Variants in HIVEP2 observed in about 807,000 individuals in gnomAD.
HIVEP2 encodes HIVEP zinc finger 2.
In HIVEP2, 14 loss-of-function variants were observed where a neutral mutation model predicts 180.7. That is an observed-to-expected ratio of 0.08 (90% CI 0.05 to 0.12). HIVEP2 has a LOEUF of 0.12. HIVEP2 is among the 10% of genes least tolerant of loss of function. The pLI, the probability that HIVEP2 is intolerant of heterozygous loss-of-function variation, is 1.00. For synonymous variants in HIVEP2, 1,184 were observed against 1,136.4 expected (o/e 1.04, Z -0.84); for missense variants, 2,579 against 3,008.5 (o/e 0.86, Z 3.34).
chr6:142,815,811 T>C (rs1027498606), intron 2 of HIVEP2, among the ~76,000 whole-genome samples: 7 of 152,326 alleles, frequency 4.6e-5, no homozygotes, highest in South Asian at 2.1e-4. Context: ...CTGCACAAAA[T>C]ATCCAACTTG....
intron 1 of HIVEP2, among the ~76,000 whole-genome samples, chr6:142,859,838 A>AG (rs1478340110): frequency 3.5e-4 from 52 of 149,050 alleles, no homozygotes; most frequent in African/African-American, 1.2e-3. Context: ...CCGTCTCAAA[A>AG]AAAAAAAAAA....
At chr6:142,781,537 G>A (rs191092620) in intron 3 of HIVEP2, among the ~76,000 whole-genome samples, 1 of 152,280 alleles carries the variant, frequency 6.6e-6, no homozygotes, top group East Asian at 1.9e-4. Context: ...GAGTCCTCTA[G>A]TCAGTAAAGA....
intron 1 of HIVEP2, among the ~76,000 whole-genome samples, chr6:142,869,116 T>C (rs1014562017): frequency 6.6e-6 from 1 of 152,198 alleles, no homozygotes; most frequent in African/African-American, 2.4e-5. Context: ...ATCTATTGGG[T>C]AGCTGGCCAG....
chr6:142,891,495 A>G (rs1479724632), intron 1 of HIVEP2, among the ~76,000 whole-genome samples: 5 of 152,124 alleles, frequency 3.3e-5, no homozygotes, highest in African/African-American at 1.2e-4. Context: ...CAGATAGGGT[A>G]TGCCAGGTAG....
chr6:142,823,265 AAACAAGC>A (rs1482024064), intron 2 of HIVEP2, among the ~76,000 whole-genome samples: 2 of 152,200 alleles, frequency 1.3e-5, no homozygotes, highest in Admixed American at 1.3e-4. Flanking sequence ...TGCATATCAC[AAACAAGC>A]ACAAATAAAT....
intron 2 of HIVEP2, among the ~76,000 whole-genome samples, chr6:142,810,146 C>A (rs544738887): frequency 1.2e-4 from 18 of 152,232 alleles, no homozygotes; most frequent in African/African-American, 4.1e-4. Flanking sequence ...GTTGTCAGGG[C>A]CACAGGTTAT....
Position 142,769,858 on chromosome 6 carries a change from C to G in HIVEP2, c.4881G>C (p.Thr1627=), listed in dbSNP as rs769437750. Residue 1627 remains threonine (T), a synonymous_variant, in exon 5 of 10, where the codon ACG becomes ACC. Transcript: ENST00000367603. ...GAATCTGCTGGAAATCTGCCATGTCCGTGAGAAGAAGAGTTGAGTCTGCCA... is the reference window on the plus strand; with the variant it reads ...GAATCTGCTGGAAATCTGCCATGTCGGTGAGAAGAAGAGTTGAGTCTGCCA... ...GNVADSTLLL[T]DMADFQQILQ... The G allele has an allele frequency of 9.3e-6, 15 of 1,614,044 alleles. No individual in the cohort carries two copies. In the Admixed American group the frequency reaches 2.2e-4, roughly 23 times the overall value.
At chr6:142,931,062 G>A (rs1337473869) in intron 1 of HIVEP2, among the ~76,000 whole-genome samples, 1 of 152,036 alleles carries the variant, frequency 6.6e-6, no homozygotes, top group African/African-American at 2.4e-5. Flanking sequence ...TATCACTTCT[G>A]CATATAGGTC....
At chr6:142,917,176 G>A (rs1777574975) in intron 1 of HIVEP2, among the ~76,000 whole-genome samples, 1 of 152,130 alleles carries the variant, frequency 6.6e-6, no homozygotes, top group South Asian at 2.1e-4. Flanking sequence ...CCAAAAACAA[G>A]TAAATAAAAT....
At position 142,761,574 on chromosome 6, in the gene HIVEP2, TG is replaced by T; in HGVS notation, c.5519-10del. On this transcript the variant is annotated splice_polypyrimidine_tract_variant and intron_variant, in intron 7 of 9. Coordinates refer to ENST00000367603, the MANE Select transcript of HIVEP2 (RefSeq NM_006734.4). Reference sequence around the variant, plus strand: ...ATGCTTCGTTAGGTTTCCTTGAAAATGTAGCAAAAAAAAGAGAGAAATTAAT... The same window carrying T: ...ATGCTTCGTTAGGTTTCCTTGAAAATTAGCAAAAAAAAGAGAGAAATTAAT... 6.7e-7 allele frequency: 1 copy of T among 1,488,156 alleles called. No homozygotes were observed. 92.2% of individuals were successfully genotyped at this position (1,488,156 alleles called of 1,614,324 possible). A position where few individuals can be genotyped will look rare whatever the true frequency, so the allele number is the denominator to read the frequency against.
At position 142,853,652 on chromosome 6, in the gene HIVEP2, T is replaced by C. The variant is rs79716668; in HGVS notation, c.-640-16605A>G. Among the ~76,000 whole-genome samples the C allele has an allele frequency of 7.5e-3, 1,146 of 152,270 alleles. 10 individuals carry two copies. The highest frequency in any genetic ancestry group is 0.026 in the African/African-American group (1,063 of 41,550). On this transcript the variant is annotated intron_variant, in intron 1 of 9. Coordinates refer to ENST00000367603, the MANE Select transcript of HIVEP2 (RefSeq NM_006734.4). ...ACTGAGAAATTGAGTCAATAGGATA[T>C]GAAACTGCCTTTTCCTACAAGGACC...
rs748945040 is a variant in HIVEP2, at chr6:142,770,038, A to G, written c.4701T>C (p.Asp1567=). Residue 1567 remains aspartate, a synonymous_variant, in exon 5 of 10, where the codon GAT becomes GAC. Coordinates refer to ENST00000367603, the MANE Select transcript of HIVEP2 (RefSeq NM_006734.4). The surrounding 1 kb of genome is among the most constrained non-coding windows in gnomAD (Gnocchi z 4.7). Reference sequence around the variant, plus strand: ...ATGCCGTCTCATCGATATCTAATTCATCTGAAGATTCTTTGCTTTCAGAAG... The same window carrying G: ...ATGCCGTCTCATCGATATCTAATTCGTCTGAAGATTCTTTGCTTTCAGAAG... ...SGPSESKESS[D]ELDIDETASD... 4 of 1,614,120 alleles carry G rather than the reference A, an allele frequency of 2.5e-6. No individual in the cohort carries two copies. The South Asian group carries it at 3.3e-5, about 13-fold the overall frequency.
In HIVEP2 at chr6:142,769,830, G is replaced by A. The variant is rs868723256; in HGVS notation, c.4909C>T (p.Gln1637Ter). 6.2e-7 allele frequency: 1 copy of A among 1,614,180 alleles called. No individual in the cohort carries two copies. Among genetic ancestry groups the A allele is most frequent in the Non-Finnish European group, 8.5e-7 (1 of 1,180,028 alleles). The change falls in exon 5 of 10, where the codon CAG (glutamine) becomes TAG (stop). Residue 1637 changes from glutamine (Q) to a stop codon, truncating the protein, a stop_gained. Transcript: ENST00000367603. LOFTEE classifies it high-confidence loss of function. ...GTTGTTGTCCGCAGACTGGGGAACTGAAGAATCTGCTGGAAATCTGCCATG... is the reference window on the plus strand; with the variant it reads ...GTTGTTGTCCGCAGACTGGGGAACTAAAGAATCTGCTGGAAATCTGCCATG... ...TDMADFQQIL[Q>*]FPSLRTTTTV...
chr6:142,759,901 G>A lies in HIVEP2; in HGVS notation c.6387C>T (p.Leu2129=), dbSNP rs373990388. 6.2e-7 allele frequency: 1 copy of A among 1,614,142 alleles called. No individual in the cohort carries two copies. Among genetic ancestry groups the A allele is most frequent in the African/African-American group, 1.3e-5 (1 of 75,050 alleles). Residue 2129 remains leucine (L), a synonymous_variant, in exon 9 of 10, where the codon CTC becomes CTT. Coordinates refer to ENST00000367603, the MANE Select transcript of HIVEP2 (RefSeq NM_006734.4). ...PGKDITARRD[L]SPRRERRYMT... ...TGTATCTTCTCTCTCTTCTAGGAGA[G>A]AGGTCTCTTCTTGCTGTGATATCTT...
At chr6:142,791,455 T>C (rs1395383316) in intron 2 of HIVEP2, among the ~76,000 whole-genome samples, 1 of 152,190 alleles carries the variant, frequency 6.6e-6, no homozygotes, top group Non-Finnish European at 1.5e-5. Flanking sequence ...AAACTGTGAA[T>C]GGCATTCATA....
intron 1 of HIVEP2, among the ~76,000 whole-genome samples, chr6:142,901,708 A>G (rs1187466506): frequency 6.6e-6 from 1 of 152,168 alleles, no homozygotes; most frequent in Admixed American, 6.5e-5. Flanking sequence ...CATAATCTTG[A>G]GCCTCAATGT....
In HIVEP2 at chr6:142,774,567, T is replaced by C. The variant is rs773654342; in HGVS notation, c.172A>G (p.Thr58Ala). 5.0e-6 allele frequency: 8 copies of C among 1,614,206 alleles called. No individual in the cohort carries two copies. Among genetic ancestry groups the C allele is most frequent in the Non-Finnish European group, 6.8e-6 (8 of 1,180,032 alleles). Reference protein sequence around the residue: ...PQIEPEQIGNTASAQLFGSGK... With the variant: ...PQIEPEQIGNAASAQLFGSGK... ...GAACCAAACAGTTGTGCTGATGCTG[T>C]GTTTCCGATTTGCTCAGGCTCTATT... Residue 58 changes from threonine to alanine, a missense_variant, in exon 5 of 10, where the codon ACA becomes GCA. Coordinates refer to ENST00000367603, the MANE Select transcript of HIVEP2 (RefSeq NM_006734.4). This position sits in a 1 kb window ranked among gnomAD's most constrained non-coding sequence, Gnocchi z 5.1.
intron 2 of HIVEP2, among the ~76,000 whole-genome samples, chr6:142,818,971 G>A (rs945621966): frequency 1.4e-5 from 2 of 140,292 alleles, no homozygotes; most frequent in African/African-American, 5.2e-5. Context: ...GAACCTGTCA[G>A]GAAGGAAGGA....
Position 142,769,587 on chromosome 6 carries a change from G to A in HIVEP2, c.5152C>T (p.Leu1718Phe). The stretch of plus-strand genomic sequence containing the variant: ...TGCTTCCAAGCACTTGATGATGTAA[G>A]CTTGCCGGTTCCAGGCCTATGCATA... ...AAMHRPGTGK[L>F]TSSSAWKQFT... Residue 1718 changes from leucine (L) to phenylalanine (F), a missense_variant, in exon 5 of 10, where the codon CTT becomes TTT. Physicochemically the swap from Leu to Phe is conservative, Grantham distance 22. Transcript: ENST00000367603. The A allele has an allele frequency of 6.2e-7, 1 of 1,614,144 alleles. No individual in the cohort carries two copies. The highest frequency in any genetic ancestry group is 8.5e-7 in the Non-Finnish European group (1 of 1,180,026).
Sources: gnomAD v4.1 joint callset for allele counts (sites outside exome capture counted in the v4.1 genomes callset) on GRCh38, gnomAD v4.1.1 for gene constraint, Gnocchi (gnomAD v3.1) non-coding constraint, MANE v1.5 for transcripts, NCBI Gene and HGNC (gene_info 2026-07-23, HGNC 2026-07-21) for gene names.